STXBP5L: variants seen among roughly 807,000 people sequenced by gnomAD.
STXBP5L encodes syntaxin binding protein 5L, also known as syntaxin-binding protein 5-like.
In STXBP5L, 65 loss-of-function variants were observed where a neutral mutation model predicts 144.5. The ratio of observed to expected loss-of-function variants is 0.45; its 90% CI spans 0.37 to 0.55. The LOEUF (loss-of-function observed/expected upper bound fraction) is 0.55. Ranked by LOEUF, STXBP5L falls within the 20% of genes least tolerant of loss-of-function variation. STXBP5L has a pLI of 0.00. For missense variants in STXBP5L, 1,298 were observed against 1,405.5 expected, an observed-to-expected ratio of 0.92 and a Z score of 1.22; for synonymous variants, 505 against 469.6, an observed-to-expected ratio of 1.08 and a Z score of -0.97.
intron 9 of STXBP5L, among the ~76,000 whole-genome samples, chr3:121,188,824 T>G (rs1394402846): frequency 2.6e-5 from 4 of 152,198 alleles, no homozygotes; most frequent in Non-Finnish European, 5.9e-5. Flanking sequence ...TAATAAGAGC[T>G]ATTTATGACA....
At chr3:121,029,850 A>T (rs1486196632) in intron 3 of STXBP5L, among the ~76,000 whole-genome samples, 2 of 151,984 alleles carry the variant, frequency 1.3e-5, no homozygotes, top group African/African-American at 4.8e-5. Context: ...AAAAAACCCC[A>T]TGAAAAAGTG....
At chr3:121,024,132 A>C (rs755107472) in intron 3 of STXBP5L, among the ~76,000 whole-genome samples, 6 of 152,174 alleles carry the variant, frequency 3.9e-5, no homozygotes, top group Non-Finnish European at 7.4e-5. Context: ...GAATCAAAAG[A>C]GAGGCCACAG....
At position 121,055,391 on chromosome 3, in the gene STXBP5L, A is replaced by G. The variant is rs578118838; in HGVS notation, c.470+9856A>G. Reference sequence around the variant, plus strand: ...TAAATGTGTTTCAGTTTATAAATTTATACTATAAATTTTAGCTTATTTTAT... The same window carrying G: ...TAAATGTGTTTCAGTTTATAAATTTGTACTATAAATTTTAGCTTATTTTAT... On this transcript the variant is annotated intron_variant, in intron 5 of 26. Coordinates refer to ENST00000471454, the MANE Select transcript of STXBP5L (RefSeq NM_001308330.2). Among the ~76,000 whole-genome samples the G allele has an allele frequency of 1.0e-3, 158 of 152,318 alleles. 1 individual carries two copies. Among genetic ancestry groups the G allele is most frequent in the Non-Finnish European group, 1.7e-3 (118 of 68,030 alleles).
chr3:121,091,988 A>C (rs946227997), intron 5 of STXBP5L, among the ~76,000 whole-genome samples: 1 of 152,086 alleles, frequency 6.6e-6, no homozygotes, highest in African/African-American at 2.4e-5. Flanking sequence ...TCAGCTTTCT[A>C]CATATGGCTA....
At chr3:121,043,201 C>G (rs1485574257) in intron 4 of STXBP5L, among the ~76,000 whole-genome samples, 1 of 152,078 alleles carries the variant, frequency 6.6e-6, no homozygotes, top group Non-Finnish European at 1.5e-5. Context: ...CCCAAACTTC[C>G]CAGTTTCTGA....
chr3:121,302,633 G>A (rs2051966200), intron 19 of STXBP5L, among the ~76,000 whole-genome samples: 8 of 152,008 alleles, frequency 5.3e-5, no homozygotes, highest in Admixed American at 5.3e-4. Flanking sequence ...TAATTGTGAT[G>A]TTAGGGTATC....
intron 22 of STXBP5L, among the ~76,000 whole-genome samples, chr3:121,400,660 G>A (rs1024328585): frequency 6.6e-6 from 1 of 152,124 alleles, no homozygotes; most frequent in Non-Finnish European, 1.5e-5. Flanking sequence ...CAGTCATCTT[G>A]CAAGCATTCT....
intron 3 of STXBP5L, among the ~76,000 whole-genome samples, chr3:121,008,956 G>T (rs1576648992): frequency 6.6e-6 from 1 of 151,618 alleles, no homozygotes; most frequent in East Asian, 1.9e-4. Flanking sequence ...CAAGTGGGTG[G>T]TTGATCTTTT....
chr3:120,978,326 G>A (rs1474367045), intron 3 of STXBP5L, among the ~76,000 whole-genome samples: 3 of 152,080 alleles, frequency 2.0e-5, no homozygotes, highest in Non-Finnish European at 4.4e-5. Flanking sequence ...CTTTCTTCCA[G>A]TTGTTCGCAT....
chr3:121,074,565 A>G (rs1457513584), intron 5 of STXBP5L, among the ~76,000 whole-genome samples: 2 of 152,122 alleles, frequency 1.3e-5, no homozygotes, highest in Non-Finnish European at 2.9e-5. Flanking sequence ...TGCCTGATTT[A>G]TGGCTAGCCT....
intron 3 of STXBP5L, among the ~76,000 whole-genome samples, chr3:121,028,483 G>C (rs951745043): frequency 6.6e-6 from 1 of 152,022 alleles, no homozygotes; most frequent in African/African-American, 2.4e-5. Flanking sequence ...GTGATTATAT[G>C]ATATTCAAAA....
chr3:121,324,091 A>G (rs1038843457), intron 20 of STXBP5L, among the ~76,000 whole-genome samples: 1 of 152,174 alleles, frequency 6.6e-6, no homozygotes, highest in African/African-American at 2.4e-5. Context: ...TGCACAATCT[A>G]CAACACATTT....
At chr3:121,327,035 C>T (rs1217642957) in intron 20 of STXBP5L, among the ~76,000 whole-genome samples, 1 of 152,062 alleles carries the variant, frequency 6.6e-6, no homozygotes, top group African/African-American at 2.4e-5. Flanking sequence ...AGGATTTAAC[C>T]TGTTCCTAAA....
At chr3:121,349,895 G>T (rs1002404557) in intron 20 of STXBP5L, among the ~76,000 whole-genome samples, 3 of 152,112 alleles carry the variant, frequency 2.0e-5, no homozygotes, top group African/African-American at 7.2e-5. Flanking sequence ...ACACTGATGG[G>T]TCTTGACTCT....
At chr3:121,334,439 C>T (rs1364119156) in intron 20 of STXBP5L, among the ~76,000 whole-genome samples, 1 of 142,592 alleles carries the variant, frequency 7.0e-6, no homozygotes, top group Non-Finnish European at 1.5e-5. Flanking sequence ...AGGGACACAA[C>T]AACAAAAAAA....
chr3:120,917,953 G>A (rs1576415579), intron 2 of STXBP5L, among the ~76,000 whole-genome samples: 1 of 152,324 alleles, frequency 6.6e-6, no homozygotes, highest in East Asian at 1.9e-4. Context: ...GAGGTCAGAA[G>A]TATGACATGG....
At chr3:121,276,856 T>G (rs1244274694) in intron 18 of STXBP5L, among the ~76,000 whole-genome samples, 1 of 151,976 alleles carries the variant, frequency 6.6e-6, no homozygotes, top group African/African-American at 2.4e-5. Context: ...ATCTTTAAGT[T>G]TCTATTATCT....
chr3:121,286,798 C>A (rs1341204500), intron 19 of STXBP5L, among the ~76,000 whole-genome samples: 1 of 148,482 alleles, frequency 6.7e-6, no homozygotes, highest in Non-Finnish European at 1.5e-5. Flanking sequence ...TAAATGAAAA[C>A]AATGGTTTTT....
chr3:121,324,328 A>G (rs1577460197), intron 20 of STXBP5L, among the ~76,000 whole-genome samples: 1 of 152,182 alleles, frequency 6.6e-6, no homozygotes, highest in East Asian at 1.9e-4. Flanking sequence ...CTCCCTCCAA[A>G]CAGTCCTTTG....
Sources: gnomAD v4.1 joint callset for allele counts (sites outside exome capture counted in the v4.1 genomes callset) on GRCh38, gnomAD v4.1.1 for gene constraint, MANE v1.5 for transcripts, NCBI Gene and HGNC (gene_info 2026-07-23, HGNC 2026-07-21) for gene names.